The following CCDC178 variants were observed in gnomAD, a reference collection of about 807,000 sequenced individuals.
CCDC178 encodes coiled-coil domain containing 178, also known as coiled-coil domain-containing protein 178.
A neutral mutation model predicts 117.4 loss-of-function variants in CCDC178; 126 were observed. The observed-to-expected ratio is 1.07, with a 90% CI of 0.93 to 1.24. CCDC178 has a LOEUF of 1.24. Ranked by LOEUF, CCDC178 falls within the 50% of genes most tolerant of loss-of-function variation. CCDC178 has a pLI of 0.00. For synonymous variants in CCDC178, 283 were observed against 313.4 expected, an observed-to-expected ratio of 0.90 and a Z score of 1.02; for missense variants, 1,030 against 986.9, an observed-to-expected ratio of 1.04 and a Z score of -0.59.
At chr18:33,331,304 G>C (rs2062665402) in intron 10 of CCDC178, among the ~76,000 whole-genome samples, 1 of 151,970 alleles carries the variant, frequency 6.6e-6, no homozygotes, top group Non-Finnish European at 1.5e-5. Context: ...CAAATAAGTT[G>C]CTTAAACAAG....
At chr18:33,143,399 C>T (rs1291623395) in intron 20 of CCDC178, among the ~76,000 whole-genome samples, 1 of 152,106 alleles carries the variant, frequency 6.6e-6, no homozygotes, top group Non-Finnish European at 1.5e-5. Flanking sequence ...TACGTGTTCT[C>T]ATCACATTGT....
At position 33,280,647 on chromosome 18, in the gene CCDC178, T is replaced by C. The variant is rs531929775; in HGVS notation, c.1176+12512A>G. On this transcript the variant is annotated intron_variant, in intron 12 of 22. Transcript: ENST00000383096. ...TAAATCATGCTGCTATAAAGACACA[T>C]GCACACGTATGTTTATTGCGGCACT... is the stretch of plus-strand genomic sequence containing the variant. Among the ~76,000 whole-genome samples, 46 of 152,180 alleles carry C rather than the reference T, an allele frequency of 3.0e-4. 1 individual carries two copies. Among genetic ancestry groups the C allele is most frequent in the Admixed American group, 2.9e-3 (44 of 15,268 alleles).
chr18:33,257,206 C>A (rs1250563085), intron 14 of CCDC178, among the ~76,000 whole-genome samples: 2 of 151,946 alleles, frequency 1.3e-5, no homozygotes, highest in Non-Finnish European at 2.9e-5. Flanking sequence ...TGGTTAGGGC[C>A]TTCTAAAAAC....
intron 20 of CCDC178, among the ~76,000 whole-genome samples, chr18:33,106,558 G>A (rs1446781489): frequency 6.6e-6 from 1 of 151,612 alleles, no homozygotes; most frequent in Admixed American, 6.6e-5. Context: ...GTTCAGGCAG[G>A]CCATTGAGTC....
chr18:33,229,386 A>G (rs1243709663), intron 15 of CCDC178, among the ~76,000 whole-genome samples: 2 of 152,214 alleles, frequency 1.3e-5, no homozygotes, highest in Non-Finnish European at 2.9e-5. Flanking sequence ...TCACATAACA[A>G]TATAAATGCC....
In CCDC178 at chr18:32,962,008, T is replaced by TA. The variant is rs397814548; in HGVS notation, c.2523+12538dup. The stretch of plus-strand genomic sequence containing the variant: ...GTTTTTTCTTTACTGTCTTTTTTTT[T>TA]AGGGTTAATCAAACACTTTTTAGAA... On this transcript the variant is annotated intron_variant, in intron 22 of 22. Coordinates refer to ENST00000383096, the MANE Select transcript of CCDC178 (RefSeq NM_001105528.4). Among the ~76,000 whole-genome samples the TA allele has an allele frequency of 2.0e-5, 3 of 151,782 alleles. No homozygotes were observed. The East Asian group carries it at 5.8e-4, about 29-fold the overall frequency.
Position 33,315,114 on chromosome 18 carries a change from A to T in CCDC178, c.1022+8377T>A, listed in dbSNP as rs537603305. Among the ~76,000 whole-genome samples, 3 of 152,250 alleles carry T rather than the reference A, an allele frequency of 2.0e-5. No individual in the cohort carries two copies. In the East Asian group the frequency reaches 5.8e-4, roughly 29 times the overall value. On this transcript the variant is annotated intron_variant, in intron 11 of 22. Coordinates refer to ENST00000383096, the MANE Select transcript of CCDC178 (RefSeq NM_001105528.4). ...CCCTAGGGAAGGTTTGCCTACCATG[A>T]GTTTACCCTCTGCAACCTCACAACA... is the stretch of plus-strand genomic sequence containing the variant.
chr18:33,175,991 T>C (rs772588935), intron 20 of CCDC178, among the ~76,000 whole-genome samples: 3 of 152,028 alleles, frequency 2.0e-5, no homozygotes, highest in Admixed American at 1.3e-4. Context: ...GAAATCTACA[T>C]CTCCACCAGG....
At chr18:32,949,927 G>A (rs960569695) in intron 22 of CCDC178, among the ~76,000 whole-genome samples, 1 of 152,036 alleles carries the variant, frequency 6.6e-6, no homozygotes, top group Non-Finnish European at 1.5e-5. Context: ...TTTGTTAGGT[G>A]GGAATAGAAT....
At chr18:33,183,988 T>C (rs529506719) in intron 20 of CCDC178, among the ~76,000 whole-genome samples, 3 of 152,240 alleles carry the variant, frequency 2.0e-5, no homozygotes, top group Admixed American at 6.6e-5. Flanking sequence ...TATCTATGTT[T>C]ACTCTAGCCC....
At chr18:33,400,261 A>G (rs1484613772) in intron 3 of CCDC178, among the ~76,000 whole-genome samples, 2 of 152,028 alleles carry the variant, frequency 1.3e-5, no homozygotes, top group Admixed American at 1.3e-4. Context: ...GGATTTTTAG[A>G]ATGGTAAATG....
At chr18:32,959,191 G>A (rs964082101) in intron 22 of CCDC178, among the ~76,000 whole-genome samples, 1 of 152,104 alleles carries the variant, frequency 6.6e-6, no homozygotes, top group African/African-American at 2.4e-5. Flanking sequence ...GCCAACTGAG[G>A]GATCTGCAGG....
At chr18:32,964,991 T>A (rs959520138) in intron 22 of CCDC178, among the ~76,000 whole-genome samples, 1 of 151,934 alleles carries the variant, frequency 6.6e-6, no homozygotes, top group African/African-American at 2.4e-5. Context: ...TTTCCACAAC[T>A]GGAAGGTAAG....
intron 20 of CCDC178, among the ~76,000 whole-genome samples, chr18:33,202,940 T>C (rs2059009252): frequency 6.6e-6 from 1 of 152,308 alleles, no homozygotes; most frequent in African/African-American, 2.4e-5. Flanking sequence ...TTCCTAATCA[T>C]TTTTATAGGA....
chr18:32,961,109 A>C (rs1205265174), intron 22 of CCDC178, among the ~76,000 whole-genome samples: 1 of 152,096 alleles, frequency 6.6e-6, no homozygotes, highest in African/African-American at 2.4e-5. Context: ...AATTAGGGCA[A>C]GTTGGTTGAT....
intron 20 of CCDC178, among the ~76,000 whole-genome samples, chr18:33,179,207 T>C (rs2058706051): frequency 6.9e-6 from 1 of 144,712 alleles, no homozygotes. Context: ...GAAAATAATC[T>C]ACTGCTAAGT....
chr18:33,190,651 C>T (rs1441551633), intron 20 of CCDC178, among the ~76,000 whole-genome samples: 1 of 152,110 alleles, frequency 6.6e-6, no homozygotes, highest in Non-Finnish European at 1.5e-5. Flanking sequence ...CAATGTTAGG[C>T]AGAACTGGCT....
chr18:33,261,424 C>T (rs529105239), intron 14 of CCDC178, among the ~76,000 whole-genome samples: 1 of 150,694 alleles, frequency 6.6e-6, no homozygotes, highest in Admixed American at 6.6e-5. Flanking sequence ...GGTATGCCCC[C>T]CTCTATTGAT....
chr18:33,117,116 A>C (rs989622539), intron 20 of CCDC178, among the ~76,000 whole-genome samples: 16 of 152,120 alleles, frequency 1.1e-4, no homozygotes, highest in Non-Finnish European at 1.5e-4. Context: ...AGGTCTGGGG[A>C]AGACAAATAT....
Sources: allele counts gnomAD v4.1 joint callset (sites outside exome capture counted in the v4.1 genomes callset), GRCh38; gene constraint gnomAD v4.1.1; transcripts MANE v1.5; gene names NCBI Gene and HGNC (gene_info 2026-07-23, HGNC 2026-07-21).